WDR70: variants seen among roughly 807,000 people sequenced by gnomAD.
The protein encoded by WDR70 is WD repeat domain 70.
A neutral mutation model predicts 88.6 loss-of-function variants in WDR70; 53 were observed. The ratio of observed to expected loss-of-function variants is 0.60; its 90% CI spans 0.48 to 0.75. WDR70 has a LOEUF of 0.75. WDR70 is among the 30% of genes least tolerant of loss of function. The pLI is 0.00. For synonymous variants in WDR70, 280 were observed against 270.0 expected, an observed-to-expected ratio of 1.04 and a Z score of -0.36; for missense variants, 610 against 823.2, an observed-to-expected ratio of 0.74 and a Z score of 3.17.
chr5:37,404,162 C>G (rs940918158), intron 5 of WDR70, among the ~76,000 whole-genome samples: 1 of 152,094 alleles, frequency 6.6e-6, no homozygotes, highest in East Asian at 1.9e-4. Flanking sequence ...TGCCTTAACT[C>G]CTGCAATTTG....
intron 5 of WDR70, among the ~76,000 whole-genome samples, chr5:37,431,276 A>G (rs1750294935): frequency 6.6e-6 from 1 of 152,202 alleles, no homozygotes; most frequent in African/African-American, 2.4e-5. Context: ...ATATTTATTG[A>G]ATAGTTAATT....
At chr5:37,595,888 A>T (rs1263672464) in intron 9 of WDR70, among the ~76,000 whole-genome samples, 2 of 152,164 alleles carry the variant, frequency 1.3e-5, no homozygotes, top group African/African-American at 4.8e-5. Context: ...TTATCCAAGC[A>T]TTTTAGGAAT....
intron 3 of WDR70, among the ~76,000 whole-genome samples, chr5:37,387,294 G>A (rs1748651058): frequency 6.6e-6 from 1 of 152,072 alleles, no homozygotes. Context: ...AAGATGTTGG[G>A]TGTAGTAGCT....
At chr5:37,674,868 A>G (rs1449345517) in intron 10 of WDR70, among the ~76,000 whole-genome samples, 11 of 151,586 alleles carry the variant, frequency 7.3e-5, no homozygotes, top group South Asian at 2.1e-4. Context: ...AAGTGTTCCT[A>G]TTTCTCTACA....
chr5:37,486,501 C>T (rs1199450819), intron 8 of WDR70, among the ~76,000 whole-genome samples: 8 of 150,982 alleles, frequency 5.3e-5, no homozygotes, highest in African/African-American at 1.2e-4. Context: ...CCGACACCCA[C>T]GCTGGGCTAA....
intron 3 of WDR70, among the ~76,000 whole-genome samples, chr5:37,389,341 G>C (rs1748737396): frequency 6.7e-6 from 1 of 149,650 alleles, no homozygotes; most frequent in Non-Finnish European, 1.5e-5. Flanking sequence ...CAAGCCACCC[G>C]CCTCGGCCTC....
chr5:37,518,895 C>T (rs541630042), intron 9 of WDR70, among the ~76,000 whole-genome samples: 72 of 152,122 alleles, frequency 4.7e-4, no homozygotes, highest in Non-Finnish European at 9.3e-4. Flanking sequence ...TGACTCTTAA[C>T]GAGCATGCTG....
chr5:37,670,057 G>C (rs1402158219), intron 10 of WDR70, among the ~76,000 whole-genome samples: 2 of 152,170 alleles, frequency 1.3e-5, no homozygotes, highest in Non-Finnish European at 2.9e-5. Flanking sequence ...CATGTGTATG[G>C]GGTTTCCTTT....
At chr5:37,388,189 G>A (rs1369830039) in intron 3 of WDR70, among the ~76,000 whole-genome samples, 2 of 151,366 alleles carry the variant, frequency 1.3e-5, no homozygotes, top group African/African-American at 2.4e-5. Context: ...GGACGATCTC[G>A]GCTCACTGCA....
intron 10 of WDR70, among the ~76,000 whole-genome samples, chr5:37,673,935 A>G (rs1190836345): frequency 6.6e-6 from 1 of 152,062 alleles, no homozygotes; most frequent in Non-Finnish European, 1.5e-5. Flanking sequence ...TGTCCTTGCA[A>G]AAGGACATTA....
chr5:37,441,372 T>A lies in WDR70; in HGVS notation c.553-1867T>A, dbSNP rs185701425. On this transcript the variant is annotated intron_variant, in intron 6 of 17. Coordinates refer to ENST00000265107, the MANE Select transcript of WDR70 (RefSeq NM_018034.4). ...ATTTTAACATAAGTATTATTATTTA[T>A]GTATGATTCCCTTATATTATGAAAT... 1.6e-3 allele frequency among the ~76,000 whole-genome samples: 250 copies of A among 152,324 alleles called. 2 individuals are homozygous for A. The highest frequency in any genetic ancestry group is 5.8e-3 in the African/African-American group (242 of 41,570).
intron 8 of WDR70, among the ~76,000 whole-genome samples, chr5:37,487,985 G>A (rs564693943): frequency 1.3e-5 from 2 of 151,898 alleles, no homozygotes; most frequent in East Asian, 1.9e-4. Flanking sequence ...TGTAGGCCTG[G>A]CCTAGTGGTG....
chr5:37,510,420 C>A (rs2112241545), intron 8 of WDR70, among the ~76,000 whole-genome samples: 1 of 152,272 alleles, frequency 6.6e-6, no homozygotes, highest in East Asian at 1.9e-4. Context: ...CTCCTAAATT[C>A]TTCAGTGAGG....
chr5:37,395,861 C>T lies in WDR70; in HGVS notation c.297-514C>T, dbSNP rs376171503. 5.3e-5 allele frequency among the ~76,000 whole-genome samples: 8 copies of T among 152,212 alleles called. No homozygotes were observed. In the East Asian group the frequency reaches 7.7e-4, roughly 15 times the overall value. On this transcript the variant is annotated intron_variant, in intron 4 of 17. Coordinates refer to ENST00000265107, the MANE Select transcript of WDR70 (RefSeq NM_018034.4). The stretch of plus-strand genomic sequence containing the variant: ...TGTTGTTCAGGCTGGAGTAGAGTGA[C>T]GCAGTCATGGCTCACTGTAGCCTTG...
Position 37,726,932 on chromosome 5 carries a change from T to A in WDR70, c.1764T>A (p.Ile588=). Reference sequence around the variant, plus strand: ...ACGGGGGCACTCTCTCTTCCTATATTGTGAAGAACATTGCTTTGGACAAGA... The same window carrying A: ...ACGGGGGCACTCTCTCTTCCTATATAGTGAAGAACATTGCTTTGGACAAGA... ...GTHGGTLSSY[I]VKNIALDKTD... is the part of the protein sequence containing the mutation. The change falls in exon 17 of 18, where the codon ATT becomes ATA. Residue 588 remains isoleucine, a synonymous_variant. Transcript: ENST00000265107. The A allele has an allele frequency of 6.2e-7, 1 of 1,609,982 alleles. No homozygotes were observed. The highest frequency in any genetic ancestry group is 2.2e-5 in the East Asian group (1 of 44,844).
intron 5 of WDR70, among the ~76,000 whole-genome samples, chr5:37,417,592 G>A (rs183330342): frequency 5.9e-5 from 9 of 151,276 alleles, no homozygotes; most frequent in African/African-American, 1.9e-4. Context: ...AGCCTGGAGT[G>A]CAGTGGCACA....
chr5:37,422,998 G>C (rs949547236), intron 5 of WDR70, among the ~76,000 whole-genome samples: 1 of 152,108 alleles, frequency 6.6e-6, no homozygotes, highest in Non-Finnish European at 1.5e-5. Context: ...CAAGGTGGTG[G>C]AGAGCCATTG....
intron 10 of WDR70, among the ~76,000 whole-genome samples, chr5:37,692,386 A>C (rs866732994): frequency 6.6e-6 from 1 of 152,182 alleles, no homozygotes; most frequent in African/African-American, 2.4e-5. Flanking sequence ...CATCATCCTA[A>C]TACCAAAGGC....
chr5:37,545,743 A>G (rs1209015292), intron 9 of WDR70, among the ~76,000 whole-genome samples: 2 of 152,024 alleles, frequency 1.3e-5, no homozygotes, highest in African/African-American at 4.8e-5. Flanking sequence ...AGGCTGTTCT[A>G]GAACTCCTGA....
Sources: allele counts gnomAD v4.1 joint callset (sites outside exome capture counted in the v4.1 genomes callset), GRCh38; gene constraint gnomAD v4.1.1; transcripts MANE v1.5; gene names NCBI Gene and HGNC (gene_info 2026-07-23, HGNC 2026-07-21).